NAA11: variants seen among roughly 807,000 people sequenced by gnomAD.
NAA11 encodes the protein N-alpha-acetyltransferase 11, NatA catalytic subunit.
NAA11 carries 15 observed loss-of-function variants against 16.1 expected under a neutral mutation model. The ratio of observed to expected loss-of-function variants is 0.93; its 90% confidence interval spans 0.62 to 1.44. The LOEUF (loss-of-function observed/expected upper bound fraction) is 1.44, where lower values mean the gene tolerates loss of function less well. NAA11 is among the 40% of genes most tolerant of loss of function. NAA11 has a pLI of 0.00. For missense variants in NAA11, 298 were observed against 291.3 expected (o/e 1.02, Z -0.17); for synonymous variants, 122 against 112.4 (o/e 1.09, Z -0.54).
chr4:79,182,882 T>A, the NAA11 span, among the ~76,000 whole-genome samples: 1 of 152,184 alleles, frequency 6.6e-6, no homozygotes, highest in African/African-American at 2.4e-5. Context: ...ATCTAATCAA[T>A]CATTTAACAA....
chr4:79,261,473 G>A (rs531990987), intron 2 of NAA11, among the ~76,000 whole-genome samples: 121 of 152,234 alleles, frequency 7.9e-4, no homozygotes, highest in Middle Eastern at 3.4e-3. Flanking sequence ...AATCTCAGGC[G>A]ACCATGATTT....
At chr4:79,297,026 C>T (rs1370148657) in intron 1 of NAA11, among the ~76,000 whole-genome samples, 6 of 152,194 alleles carry the variant, frequency 3.9e-5, no homozygotes, top group Non-Finnish European at 8.8e-5. Flanking sequence ...TCCCCTGTGC[C>T]TTCTGTCCCT....
intron 2 of NAA11, among the ~76,000 whole-genome samples, chr4:79,258,416 A>T (rs1722171627): frequency 6.6e-6 from 1 of 152,244 alleles, no homozygotes; most frequent in African/African-American, 2.4e-5. Context: ...CCCTGCTGTC[A>T]GCACCTACTT....
At chr4:79,156,835 T>C in the NAA11 span, among the ~76,000 whole-genome samples, 2 of 152,196 alleles carry the variant, frequency 1.3e-5, no homozygotes, top group Non-Finnish European at 1.5e-5. Flanking sequence ...TATTTCTTAA[T>C]TGATGTCTTC....
the NAA11 span, among the ~76,000 whole-genome samples, chr4:79,176,852 G>T: frequency 1.3e-5 from 2 of 152,160 alleles, no homozygotes; most frequent in African/African-American, 4.8e-5. Flanking sequence ...CCAAGGACAA[G>T]AGATTACTTT....
Position 79,245,446 on chromosome 4 carries a change from G to A in NAA11, c.*123-19176C>T, listed in dbSNP as rs552186202. 1,502 of 161,534 alleles carry A rather than the reference G, an allele frequency of 9.3e-3. 18 individuals are homozygous for A. The highest frequency in any genetic ancestry group is 0.034 in the African/African-American group (1,396 of 40,502). The allele number at this position is 161,534 out of a possible 1,614,324, so 10.0% of individuals were successfully genotyped here. A position where few individuals can be genotyped will look rare whatever the true frequency, so the allele number is the denominator to read the frequency against. ...TCTGCCCGGCCGCCACCCCGTCTGG[G>A]AGGTGAGGAGCGTCTCTACCCGGCC... is the stretch of plus-strand genomic sequence containing the variant. On this transcript the variant is annotated intron_variant and NMD_transcript_variant, in intron 2 of 2. Coordinates refer to the NAA11 transcript ENST00000511542.
chr4:79,304,279 C>T (rs1377869648), intron 1 of NAA11, among the ~76,000 whole-genome samples: 2 of 152,042 alleles, frequency 1.3e-5, no homozygotes, highest in Non-Finnish European at 2.9e-5. Flanking sequence ...CTGTATTCAT[C>T]ACAAAATACA....
At chr4:79,287,453 T>C (rs1367024063) in intron 2 of NAA11, among the ~76,000 whole-genome samples, 1 of 152,090 alleles carries the variant, frequency 6.6e-6, no homozygotes, top group Non-Finnish European at 1.5e-5. Context: ...AAGTCTCTTA[T>C]TCAGGTAAGT....
downstream of NAA11, among the ~76,000 whole-genome samples, chr4:79,314,364 C>G (rs1723867686): frequency 3.3e-5 from 5 of 151,952 alleles, no homozygotes; most frequent in Admixed American, 3.3e-4. Context: ...TTCATATTAT[C>G]TTTATGAAGA....
intron 2 of NAA11, among the ~76,000 whole-genome samples, chr4:79,236,002 CT>C (rs1168321626): frequency 1.1e-4 from 17 of 151,456 alleles, no homozygotes; most frequent in African/African-American, 3.6e-4. Flanking sequence ...CTTCTAACCA[CT>C]TAATTTTTAT....
chr4:79,176,578 G>A, the NAA11 span, among the ~76,000 whole-genome samples: 1 of 152,144 alleles, frequency 6.6e-6, no homozygotes, highest in African/African-American at 2.4e-5. Context: ...CCCAGATTAG[G>A]GAGGGTAATG....
the NAA11 span, among the ~76,000 whole-genome samples, chr4:79,204,928 T>TACACACACACACACACACAC: frequency 2.7e-5 from 4 of 147,784 alleles, 1 homozygote; most frequent in South Asian, 6.5e-4. Context: ...ATGGTGTGTA[T>TACACACACACACACACACAC]ACACACACAC....
At chr4:79,170,015 C>T in the NAA11 span, among the ~76,000 whole-genome samples, 1 of 152,196 alleles carries the variant, frequency 6.6e-6, no homozygotes. Context: ...TATAGCCACG[C>T]CCACAAGAGG....
intron 1 of NAA11, among the ~76,000 whole-genome samples, chr4:79,324,728 T>C (rs1015661796): frequency 2.0e-5 from 3 of 152,204 alleles, no homozygotes; most frequent in African/African-American, 7.2e-5. Context: ...GTCAGTCTGA[T>C]CCATCATTAC....
At chr4:79,318,186 A>G (rs889512291) in intron 1 of NAA11, among the ~76,000 whole-genome samples, 1 of 152,184 alleles carries the variant, frequency 6.6e-6, no homozygotes, top group African/African-American at 2.4e-5. Context: ...TCAAAAGAAA[A>G]TTTATTCCAA....
chr4:79,160,252 A>C, the NAA11 span, among the ~76,000 whole-genome samples: 1 of 152,192 alleles, frequency 6.6e-6, no homozygotes, highest in Admixed American at 6.5e-5. Flanking sequence ...TCGGCCTCCC[A>C]AAGTGTTGGG....
chr4:79,296,500 C>T (rs1473800482), intron 1 of NAA11, among the ~76,000 whole-genome samples: 2 of 152,180 alleles, frequency 1.3e-5, no homozygotes, highest in Non-Finnish European at 2.9e-5. Context: ...CCCTTTATTT[C>T]TTTTCTTACC....
chr4:79,289,405 A>C (rs1723026762), intron 2 of NAA11, among the ~76,000 whole-genome samples: 1 of 152,266 alleles, frequency 6.6e-6, no homozygotes, highest in Non-Finnish European at 1.5e-5. Context: ...AATTCATTTA[A>C]CATCATACAT....
intron 1 of NAA11, among the ~76,000 whole-genome samples, chr4:79,296,352 A>G (rs1723220613): frequency 6.6e-6 from 1 of 152,210 alleles, no homozygotes; most frequent in Non-Finnish European, 1.5e-5. Flanking sequence ...TCATCCTTTT[A>G]ACCAATAAGC....
Sources: allele counts gnomAD v4.1 joint callset (sites outside exome capture counted in the v4.1 genomes callset), GRCh38; gene constraint gnomAD v4.1.1; transcripts MANE v1.5; gene names NCBI Gene and HGNC (gene_info 2026-07-23, HGNC 2026-07-21).